SDC4: variants seen among roughly 807,000 people sequenced by gnomAD.
SDC4 encodes the protein syndecan 4, also known as syndecan-4.
A neutral mutation model predicts 20.5 loss-of-function variants in SDC4; 17 were observed. The ratio of observed to expected loss-of-function variants is 0.83; its 90% CI spans 0.57 to 1.25. SDC4 has a LOEUF of 1.25. Among genes scored for constraint, SDC4 ranks in the 50% most tolerant of loss-of-function variants. The probability of loss-of-function intolerance (pLI) is 0.00; values close to 1 mark genes in which losing one functional copy is unlikely to be tolerated. For synonymous variants in SDC4, 107 were observed against 105.3 expected (o/e 1.02, Z -0.10); for missense variants, 241 against 252.3 (o/e 0.96, Z 0.30).
At chr20:45,332,914 G>A in intron 3 of SDC4, 109 bp downstream of exon 3, 1 of 1,054,140 alleles carries the variant, frequency 9.5e-7, no homozygotes, top group Non-Finnish European at 1.4e-6. Flanking sequence ...CGCATAGTGG[G>A]GTAAGACCCC....
chr20:45,337,750 T>G (rs963392086), intron 1 of SDC4, among the ~76,000 whole-genome samples: 1 of 152,138 alleles, frequency 6.6e-6, no homozygotes, highest in Non-Finnish European at 1.5e-5. Flanking sequence ...ATGCACCCTC[T>G]TCCACCCCCA....
In SDC4 at chr20:45,330,561, G is replaced by T; in HGVS notation, c.250C>A (p.Pro84Thr). ...IGPEVVHPLV[P>T]LDNHIPERAG... ...CTCTCAGGGATATGGTTATCTAGAG[G>T]CACCTGGATGGGCGGAAAGGAGAAG... is the stretch of plus-strand genomic sequence containing the variant. The change falls in exon 4 of 5, where the codon CCT (proline) becomes ACT (threonine). Residue 84 changes from proline (P) to threonine (T), a missense_variant. Transcript: ENST00000372733. 6.2e-7 allele frequency: 1 copy of T among 1,613,966 alleles called. No individual in the cohort carries two copies. The highest frequency in any genetic ancestry group is 8.5e-7 in the Non-Finnish European group (1 of 1,179,894).
chr20:45,335,293 T>C (rs1225449847), intron 2 of SDC4, among the ~76,000 whole-genome samples: 2 of 152,120 alleles, frequency 1.3e-5, no homozygotes, highest in Non-Finnish European at 2.9e-5. Flanking sequence ...TCGTCCCACC[T>C]CAGCCTCCCA....
chr20:45,333,587 T>C (rs188400349), intron 2 of SDC4, among the ~76,000 whole-genome samples: 58 of 152,338 alleles, frequency 3.8e-4, no homozygotes, highest in Non-Finnish European at 6.3e-4. Context: ...GAGAATCACT[T>C]GAACCCGGTT....
intron 1 of SDC4, among the ~76,000 whole-genome samples, chr20:45,337,431 G>A (rs542278466): frequency 5.3e-5 from 8 of 152,276 alleles, no homozygotes; most frequent in South Asian, 2.1e-4. Flanking sequence ...GACCCAAGGA[G>A]CTCCTGTCCT....
At chr20:45,341,053 T>C (rs1465552711) in intron 1 of SDC4, among the ~76,000 whole-genome samples, 2 of 152,206 alleles carry the variant, frequency 1.3e-5, no homozygotes, top group African/African-American at 4.8e-5. Flanking sequence ...AATCCTCAGT[T>C]TCCTCTTTTG....
At chr20:45,338,419 T>C (rs1987905668) in intron 1 of SDC4, among the ~76,000 whole-genome samples, 1 of 152,182 alleles carries the variant, frequency 6.6e-6, no homozygotes. Context: ...GGCCAGCTGT[T>C]GACCAGGTCA....
In SDC4 at chr20:45,326,383, T is replaced by TAAAAAAAAAA. The variant is rs35186241; in HGVS notation, c.*871_*880dup. The TAAAAAAAAAA allele has an allele frequency of 3.8e-4, 37 of 97,646 alleles. No homozygotes were observed. Among genetic ancestry groups the TAAAAAAAAAA allele is most frequent in the Non-Finnish European group, 5.1e-4 (25 of 48,996 alleles). 6.0% of individuals were successfully genotyped at this position (97,646 alleles called of 1,614,324 possible). A position where few individuals can be genotyped will look rare whatever the true frequency, so the allele number is the denominator to read the frequency against. On this transcript the variant is annotated 3_prime_UTR_variant, in exon 5 of 5. Transcript: ENST00000372733. ...AGGCCCTATCTAAAGCTATAAATAG[T>TAAAAAAAAAA]AAAAAAAAAAAAAAAAAAAAAAAAT... is the stretch of plus-strand genomic sequence containing the variant.
chr20:45,327,764 C>T (rs571298282), intron 4 of SDC4, among the ~76,000 whole-genome samples: 1 of 152,364 alleles, frequency 6.6e-6, no homozygotes, highest in South Asian at 2.1e-4. Context: ...CTGCCTCAGC[C>T]TCCTGAGTAG....
chr20:45,339,747 TAA>T (rs1270000992), intron 1 of SDC4, among the ~76,000 whole-genome samples: 1 of 151,894 alleles, frequency 6.6e-6, no homozygotes, highest in African/African-American at 2.4e-5. Flanking sequence ...CTCCAAAAAA[TAA>T]AAAATAGGGC....
In SDC4 at chr20:45,327,097, C is replaced by A; in HGVS notation, c.*167G>T. ...GGCCCAAAGCTCAAGAAGAACCTGG[C>A]AGAACAGTAGAAGACAATGTCTCTT... is the stretch of plus-strand genomic sequence containing the variant. On this transcript the variant is annotated 3_prime_UTR_variant, in exon 5 of 5. Coordinates refer to ENST00000372733, the MANE Select transcript of SDC4 (RefSeq NM_002999.4). 1.5e-6 allele frequency: 1 copy of A among 668,678 alleles called. No individual in the cohort carries two copies. Among genetic ancestry groups the A allele is most frequent in the Non-Finnish European group, 2.4e-6 (1 of 420,894 alleles). 41.4% of individuals were successfully genotyped at this position (668,678 alleles called of 1,614,324 possible).
intron 3 of SDC4, among the ~76,000 whole-genome samples, chr20:45,331,681 C>T (rs1391738680): frequency 2.6e-5 from 4 of 152,160 alleles, no homozygotes; most frequent in Non-Finnish European, 5.9e-5. Context: ...AATTATACTA[C>T]ATTAGCATGC....
intron 1 of SDC4, chr20:45,344,986 G>C (rs763335832): frequency 2.0e-5 from 3 of 152,160 alleles, no homozygotes; most frequent in Non-Finnish European, 4.4e-5. Context: ...AGAAGGACCT[G>C]GTTCTGACCT....
chr20:45,325,491 G>C lies in SDC4; in HGVS notation c.*1773C>G, dbSNP rs867737055. The stretch of plus-strand genomic sequence containing the variant: ...GGCCACTGGTGCAGCAAGGGAGGGT[G>C]GTTCCCCTCACCGCAGCCACTGGGG... On this transcript the variant is annotated 3_prime_UTR_variant, in exon 5 of 5. Coordinates refer to ENST00000372733, the MANE Select transcript of SDC4 (RefSeq NM_002999.4). 3.3e-5 allele frequency: 5 copies of C among 152,650 alleles called. No homozygotes were observed. Among genetic ancestry groups the C allele is most frequent in the African/African-American group, 1.2e-4 (5 of 41,504 alleles). The allele number at this position is 152,650 out of a possible 1,614,324, so 9.5% of individuals were successfully genotyped here. A position where few individuals can be genotyped will look rare whatever the true frequency, so the allele number is the denominator to read the frequency against.
At chr20:45,344,616 A>C (rs944909537) in intron 1 of SDC4, among the ~76,000 whole-genome samples, 1 of 152,076 alleles carries the variant, frequency 6.6e-6, no homozygotes, top group Non-Finnish European at 1.5e-5. Context: ...CAGGCTCAGC[A>C]CTCCAAGTCC....
intron 4 of SDC4, among the ~76,000 whole-genome samples, chr20:45,328,029 G>C (rs1223437792): frequency 2.0e-5 from 3 of 152,178 alleles, no homozygotes; most frequent in Non-Finnish European, 2.9e-5. Context: ...AGCACTAACT[G>C]AACCAGGAAC....
rs1600734155 is a variant in SDC4, at chr20:45,342,704, A to G, written c.60+5621T>C. Among the ~76,000 whole-genome samples the G allele has an allele frequency of 2.0e-5, 3 of 151,752 alleles. 1 individual carries two copies. The highest frequency in any genetic ancestry group is 6.8e-3 in the Middle Eastern group (2 of 294). On this transcript the variant is annotated intron_variant, in intron 1 of 4. Coordinates refer to ENST00000372733, the MANE Select transcript of SDC4 (RefSeq NM_002999.4). ...CAAGAACAAGGCTGGGAAGTGGGGG[A>G]GGGAGGAAGGATGGCTGTAGAAAGG...
chr20:45,328,088 C>T (rs944336091), intron 4 of SDC4, among the ~76,000 whole-genome samples: 2 of 152,230 alleles, frequency 1.3e-5, no homozygotes, highest in South Asian at 2.1e-4. Context: ...ATTTATCCTG[C>T]AGTCCTTAGC....
chr20:45,330,431 T>C lies in SDC4; in HGVS notation c.380A>G (p.Asn127Ser). ...CACAGTGCTGGACATTGACACCTTG[T>C]TGGACACATCCTCACTCTCTTCAAC... ...SPVEESEDVS[N>S]KVSMSSTVQG... The change falls in exon 4 of 5, where the codon AAC becomes AGC. Residue 127 changes from asparagine (N) to serine (S), a missense_variant. Physicochemically the swap from Asn to Ser is conservative, Grantham distance 46 (BLOSUM62 1). Transcript: ENST00000372733. The C allele has an allele frequency of 2.5e-6, 4 of 1,614,224 alleles. No homozygotes were observed. The highest frequency in any genetic ancestry group is 2.2e-5 in the East Asian group (1 of 44,886).
Sources: gnomAD v4.1 joint callset for allele counts (sites outside exome capture counted in the v4.1 genomes callset) on GRCh38, gnomAD v4.1.1 for gene constraint, MANE v1.5 for transcripts, NCBI Gene and HGNC (gene_info 2026-07-23, HGNC 2026-07-21) for gene names.